Variants in KYNU observed in about 807,000 individuals in gnomAD.
The protein encoded by KYNU is kynureninase, also known as L-kynurenine hydrolase.
In KYNU, 54 loss-of-function variants were observed where a neutral mutation model predicts 59.2. The ratio of observed to expected loss-of-function variants is 0.91; its 90% CI spans 0.73 to 1.14. The LOEUF (loss-of-function observed/expected upper bound fraction) is 1.14. Among genes scored for constraint, KYNU ranks in the 50% most tolerant of loss-of-function variants. The pLI is 0.00. For synonymous variants in KYNU, 177 were observed against 192.0 expected, an observed-to-expected ratio of 0.92 and a Z score of 0.65; for missense variants, 567 against 554.4, an observed-to-expected ratio of 1.02 and a Z score of -0.23.
At chr2:143,007,172 G>A (rs533809576) in intron 10 of KYNU, among the ~76,000 whole-genome samples, 2 of 151,272 alleles carry the variant, frequency 1.3e-5, no homozygotes, top group Non-Finnish European at 1.5e-5. Flanking sequence ...AAATTTAGAA[G>A]AATGTATAAC....
rs754953201 is a variant in KYNU at position 142,986,022 on chromosome 2, G to C, written c.902+1G>C. On this transcript the variant is annotated splice_donor_variant, in intron 10 of 13. Coordinates refer to ENST00000264170, the MANE Select transcript of KYNU (RefSeq NM_003937.3). LOFTEE classifies it high-confidence loss of function. ...AGCATGCCCATACGATTAAACCTGC[G>C]TGAGTACCATCTTCAGCTAATTCTT... 1 of 1,603,920 alleles carries C rather than the reference G, an allele frequency of 6.2e-7. No individual in the cohort carries two copies. Among genetic ancestry groups the C allele is most frequent in the Non-Finnish European group, 8.5e-7 (1 of 1,171,562 alleles).
In KYNU at chr2:143,055,337, T is replaced by A. The variant is rs1687335376; in HGVS notation, c.*13165T>A. 1 of 152,178 alleles carries A rather than the reference T, an allele frequency of 6.6e-6. No individual in the cohort carries two copies. The highest frequency in any genetic ancestry group is 2.4e-5 in the African/African-American group (1 of 41,434). 9.4% of individuals were successfully genotyped at this position (152,178 alleles called of 1,614,324 possible). On this transcript the variant is annotated 3_prime_UTR_variant, in exon 14 of 14. Transcript: ENST00000264170. ...TTTAGATTCTAGAGGCTTCCCACAA[T>A]CCTTGGCTTAAGGTCCATCTTTAAA...
At chr2:142,929,957 T>C (rs1683157314) in intron 4 of KYNU, among the ~76,000 whole-genome samples, 1 of 152,200 alleles carries the variant, frequency 6.6e-6, no homozygotes, top group Non-Finnish European at 1.5e-5. Context: ...AAGGGAAAGA[T>C]TTGGTTATAT....
At chr2:142,906,056 T>C (rs1413565130) in intron 2 of KYNU, among the ~76,000 whole-genome samples, 1 of 145,328 alleles carries the variant, frequency 6.9e-6, no homozygotes, top group East Asian at 2.1e-4. Flanking sequence ...TCTCTGCCTC[T>C]TTCTCTTTCT....
At chr2:142,915,188 C>A (rs2104982926) in intron 2 of KYNU, among the ~76,000 whole-genome samples, 1 of 152,212 alleles carries the variant, frequency 6.6e-6, no homozygotes, top group Middle Eastern at 3.4e-3. Flanking sequence ...GTGAGCAGAT[C>A]GTGAGACATC....
At chr2:142,965,597 G>T (rs1354394930) in intron 8 of KYNU, among the ~76,000 whole-genome samples, 1 of 152,122 alleles carries the variant, frequency 6.6e-6, no homozygotes, top group Non-Finnish European at 1.5e-5. Flanking sequence ...GCAGAGAGAA[G>T]GAAGAAGGGA....
At chr2:142,954,715 C>T (rs753450324) in intron 4 of KYNU, 95 bp from the exon 5 acceptor site, 15 of 820,028 alleles carry the variant, frequency 1.8e-5, no homozygotes, top group South Asian at 2.8e-5. Flanking sequence ...TCTCTAAAGA[C>T]ATTAAGAATG....
intron 10 of KYNU, chr2:142,989,530 C>T (rs376147661): frequency 2.1e-6 from 2 of 973,260 alleles, no homozygotes; most frequent in Admixed American, 6.2e-5. Context: ...TAAATAATAT[C>T]GAAATAACAT....
chr2:142,902,560 A>AGTATAGGCTGGATACATTTCTTACTGAGG (rs1328558029), intron 2 of KYNU, among the ~76,000 whole-genome samples: 112 of 152,358 alleles, frequency 7.4e-4, no homozygotes, highest in Middle Eastern at 3.4e-3. Context: ...AGGATAAGCC[A>AGTATAGGCTGGATACATTTCTTACTGAGG]GTATAGGCTG....
chr2:142,881,424 C>A (rs927633238), intron 1 of KYNU: 1 of 152,108 alleles, frequency 6.6e-6, no homozygotes, highest in Non-Finnish European at 1.5e-5. Context: ...GAATGAAAAT[C>A]GAGAGTGTAA....
chr2:142,957,602 T>C, intron 6 of KYNU, 39 bp from the exon 7 acceptor site: 1 of 1,224,858 alleles, frequency 8.2e-7, no homozygotes. Flanking sequence ...TTCTGTGCTC[T>C]CAGCTTGATT....
At chr2:142,971,399 A>G (rs975957110) in intron 8 of KYNU, 2 of 152,130 alleles carry the variant, frequency 1.3e-5, no homozygotes, top group Non-Finnish European at 2.9e-5. Context: ...CCCAACTCGT[A>G]CATTGCTTGA....
intron 10 of KYNU, among the ~76,000 whole-genome samples, chr2:143,003,020 A>G (rs537790658): frequency 1.3e-5 from 2 of 152,294 alleles, no homozygotes; most frequent in African/African-American, 2.4e-5. Context: ...TTATGCAAAC[A>G]TTATCTTACC....
intron 4 of KYNU, 121 bp from the exon 5 acceptor site, chr2:142,954,689 A>G: frequency 3.0e-6 from 2 of 673,288 alleles, no homozygotes; most frequent in South Asian, 1.8e-5. Context: ...GTGATGACAC[A>G]TCAAATATGC....
Position 143,043,212 on chromosome 2 carries a change from T to G in KYNU, c.*1040T>G, listed in dbSNP as rs1687104137. The G allele has an allele frequency of 1.3e-5, 2 of 152,004 alleles. No individual in the cohort carries two copies. Among genetic ancestry groups the G allele is most frequent in the South Asian group, 2.1e-4 (1 of 4,828 alleles). 9.4% of individuals were successfully genotyped at this position (152,004 alleles called of 1,614,324 possible). On this transcript the variant is annotated 3_prime_UTR_variant, in exon 14 of 14. Transcript: ENST00000264170. ...TAAATAAATAACCCCAAGATCTTTT[T>G]GGGGATTAGAGATATAAGAAATATG...
chr2:142,905,808 T>C (rs1682273396), intron 2 of KYNU, among the ~76,000 whole-genome samples: 1 of 152,236 alleles, frequency 6.6e-6, no homozygotes, highest in Non-Finnish European at 1.5e-5. Context: ...AGGTTGTCAG[T>C]GGTCTCAGTG....
chr2:143,033,207 A>T (rs769049133), intron 11 of KYNU, 29 bp from the exon 12 acceptor site: 1 of 1,474,680 alleles, frequency 6.8e-7, no homozygotes, highest in East Asian at 2.3e-5. Context: ...GTTACCTTCT[A>T]TGATAATGAC....
At chr2:142,957,173 C>G (rs1166972533) in intron 6 of KYNU, among the ~76,000 whole-genome samples, 1 of 152,036 alleles carries the variant, frequency 6.6e-6, no homozygotes, top group East Asian at 1.9e-4. Flanking sequence ...ATCCTAATAT[C>G]TACAAAAGAT....
chr2:142,961,275 C>CTTTTTTTTTTTTTTTT (rs1156276566), intron 8 of KYNU, among the ~76,000 whole-genome samples: 2 of 94,438 alleles, frequency 2.1e-5, no homozygotes, highest in African/African-American at 4.6e-5. Flanking sequence ...ATTTAAACTG[C>CTTTTTTTTTTTTTTTT]TTTTTTTTTT....
Sources: allele counts gnomAD v4.1 joint callset (sites outside exome capture counted in the v4.1 genomes callset), GRCh38; gene constraint gnomAD v4.1.1; transcripts MANE v1.5; gene names NCBI Gene and HGNC (gene_info 2026-07-23, HGNC 2026-07-21).